Variants in RCBTB1 observed in about 807,000 individuals in gnomAD.
RCBTB1 encodes RCC1 and BTB domain containing protein 1, also known as RCC1 and BTB domain-containing protein 1.
In RCBTB1, 46 loss-of-function variants were observed where a neutral mutation model predicts 62.4. That is an observed-to-expected ratio of 0.74 (90% CI 0.58 to 0.94). RCBTB1 has a LOEUF of 0.94. RCBTB1 is among the 40% of genes least tolerant of loss of function. RCBTB1 has a pLI of 0.00. For synonymous variants in RCBTB1, 222 were observed against 245.8 expected (o/e 0.90, Z 0.91); for missense variants, 565 against 654.9 (o/e 0.86, Z 1.50).
chr13:49,565,749 C>T (rs572485925), intron 4 of RCBTB1, among the ~76,000 whole-genome samples: 1 of 152,308 alleles, frequency 6.6e-6, no homozygotes, highest in East Asian at 1.9e-4. Context: ...CGGCCGCCAC[C>T]CCGTCTGGGA....
chr13:49,555,588 C>CAAA lies in RCBTB1; in HGVS notation c.529_530insTTT (p.Asn176_Cys177insPhe), dbSNP rs1465461982. On this transcript the variant is annotated inframe_insertion, in exon 6 of 13. Coordinates refer to ENST00000378302, the MANE Select transcript of RCBTB1 (RefSeq NM_018191.4). ...GCCAACTACCCTCTTAATATGTAAA[C>CAAA]AGTTTGTAACTTTTCGAGGAGTTGG... The CAAA allele has an allele frequency of 6.2e-7, 1 of 1,613,586 alleles. No individual in the cohort carries two copies. Among genetic ancestry groups the CAAA allele is most frequent in the South Asian group, 1.1e-5 (1 of 91,034 alleles).
intron 4 of RCBTB1, among the ~76,000 whole-genome samples, chr13:49,565,240 C>A (rs561330177): frequency 6.6e-6 from 1 of 152,212 alleles, no homozygotes; most frequent in Non-Finnish European, 1.5e-5. Flanking sequence ...TGGTCTCCAG[C>A]TCCTAACCGC....
intron 1 of RCBTB1, among the ~76,000 whole-genome samples, chr13:49,584,132 G>C (rs942666264): frequency 1.3e-5 from 2 of 152,158 alleles, no homozygotes; most frequent in South Asian, 2.1e-4. Context: ...GCAGCATACG[G>C]GCACGCTTTA....
Position 49,555,576 on chromosome 13 carries a change from T to C in RCBTB1, c.542A>G (p.Lys181Arg). The C allele has an allele frequency of 6.2e-7, 1 of 1,613,876 alleles. No individual in the cohort carries two copies. The change falls in exon 6 of 13, where the codon AAG becomes AGG. Residue 181 changes from lysine to arginine, a missense_variant. By Grantham distance (26) the Lys-to-Arg change is conservative. Transcript: ENST00000378302. ...PRKVTNCLHI[K>R]RVVGIACGQT... Reference sequence around the variant, plus strand: ...ACCACAGGCAATGCCAACTACCCTCTTAATATGTAAACAGTTTGTAACTTT... The same window carrying C: ...ACCACAGGCAATGCCAACTACCCTCCTAATATGTAAACAGTTTGTAACTTT...
intron 9 of RCBTB1, 61 bp from the exon 10 acceptor site, chr13:49,544,924 G>T: frequency 1.5e-6 from 2 of 1,378,962 alleles, no homozygotes; most frequent in Non-Finnish European, 9.9e-7. Flanking sequence ...AGATTCAAAA[G>T]ACTTCAAAAA....
intron 6 of RCBTB1, among the ~76,000 whole-genome samples, chr13:49,553,614 G>C (rs939414465): frequency 6.6e-6 from 1 of 152,160 alleles, no homozygotes; most frequent in South Asian, 2.1e-4. Context: ...AACAAATAAA[G>C]GCCTTGCTCA....
At chr13:49,563,187 C>T (rs1273707740) in intron 4 of RCBTB1, among the ~76,000 whole-genome samples, 5 of 150,008 alleles carry the variant, frequency 3.3e-5, no homozygotes, top group Non-Finnish European at 7.4e-5. Flanking sequence ...ATCACTTGAG[C>T]CCAGGAGTTT....
chr13:49,555,101 C>A (rs1417030963), intron 6 of RCBTB1, among the ~76,000 whole-genome samples: 3 of 152,168 alleles, frequency 2.0e-5, no homozygotes, highest in African/African-American at 7.2e-5. Context: ...CAAGTTGCTT[C>A]CTCCTGTGAA....
intron 6 of RCBTB1, 64 bp from the exon 7 acceptor site, chr13:49,552,349 A>G (rs1217557799): frequency 2.0e-6 from 2 of 1,014,544 alleles, no homozygotes; most frequent in Non-Finnish European, 3.0e-6. Flanking sequence ...AAGAGACAAA[A>G]AAACCAGCCC....
intron 4 of RCBTB1, among the ~76,000 whole-genome samples, chr13:49,564,576 T>C (rs1594317153): frequency 3.4e-5 from 2 of 59,606 alleles, no homozygotes; most frequent in African/African-American, 9.5e-5. Context: ...AGAGCGAGAC[T>C]CCTTCTCAAA....
At chr13:49,577,103 T>G (rs1272338638) in intron 2 of RCBTB1, among the ~76,000 whole-genome samples, 3 of 152,230 alleles carry the variant, frequency 2.0e-5, no homozygotes, top group African/African-American at 7.2e-5. Flanking sequence ...TCAGAGAACT[T>G]GTGGCATGAG....
At chr13:49,549,340 T>G (rs548443975) in intron 9 of RCBTB1, 118 bp downstream of exon 9, 24 of 902,602 alleles carry the variant, frequency 2.7e-5, no homozygotes, top group Non-Finnish European at 3.8e-5. Context: ...ACGGAACGTA[T>G]GAAAGCTAAT....
rs200243704 is a variant in RCBTB1, at chr13:49,544,892, G to A, written c.1046-29C>T. On this transcript the variant is annotated intron_variant, in intron 9 of 12. Coordinates refer to ENST00000378302, the MANE Select transcript of RCBTB1 (RefSeq NM_018191.4). ...AAGGCAACAAACATATATTAATATG[G>A]CAAGTTCAAGGAACAGATTGAAGAT... is the stretch of plus-strand genomic sequence containing the variant. 8 of 1,582,550 alleles carry A rather than the reference G, an allele frequency of 5.1e-6. No homozygotes were observed. In the East Asian group the frequency reaches 1.1e-4, roughly 22 times the overall value.
rs66529613 is a variant in RCBTB1 at position 49,573,448 on chromosome 13, C to CTT, written c.-41-6130_-41-6129dup. Among the ~76,000 whole-genome samples, 271 of 130,070 alleles carry CTT rather than the reference C, an allele frequency of 2.1e-3. 4 individuals carry two copies. The highest frequency in any genetic ancestry group is 4.0e-3 in the Middle Eastern group (1 of 252). 85.3% of individuals were successfully genotyped at this position (130,070 alleles called of 152,430 possible). On this transcript the variant is annotated intron_variant, in intron 2 of 12. Transcript: ENST00000378302. ...TTAGAAATTAGATACAATTCCTCATCTTTTTTTTTTTTTTTTTGAGATGGA... is the reference window on the plus strand; with the variant it reads ...TTAGAAATTAGATACAATTCCTCATCTTTTTTTTTTTTTTTTTTTGAGATGGA...
chr13:49,566,983 G>A (rs1163713778), intron 3 of RCBTB1, among the ~76,000 whole-genome samples, 171 bp downstream of exon 3: 3 of 152,070 alleles, frequency 2.0e-5, no homozygotes, highest in Admixed American at 6.6e-5. Context: ...TGGAGTAGAC[G>A]GGTATTAAAT....
chr13:49,548,418 C>A (rs1482783166), intron 9 of RCBTB1, among the ~76,000 whole-genome samples: 2 of 149,922 alleles, frequency 1.3e-5, no homozygotes, highest in Non-Finnish European at 3.0e-5. Context: ...AAAGAAAGTT[C>A]ATCTTTGATT....
rs4942847 is a variant in RCBTB1 at position 49,559,415 on chromosome 13, T to G, written c.444+503A>C. Reference sequence around the variant, plus strand: ...CTCACGCCTGTAATCCCAGCACTTTTGGAGGCCAAGGCGGGCAGATCACGA... The same window carrying G: ...CTCACGCCTGTAATCCCAGCACTTTGGGAGGCCAAGGCGGGCAGATCACGA... On this transcript the variant is annotated intron_variant, in intron 5 of 12. Transcript: ENST00000378302. Among the ~76,000 whole-genome samples the G allele has an allele frequency of 8.5e-3, 1,296 of 152,192 alleles. 49 individuals carry two copies. The highest frequency in any genetic ancestry group is 0.068 in the Admixed American group (1,035 of 15,290).
chr13:49,554,261 G>C (rs1213181308), intron 6 of RCBTB1, among the ~76,000 whole-genome samples: 4 of 152,130 alleles, frequency 2.6e-5, no homozygotes, highest in African/African-American at 9.7e-5. Flanking sequence ...ACAAGATTGG[G>C]AAAAGGTATT....
Position 49,549,446 on chromosome 13 carries a change from G to A in RCBTB1, c.1045+12C>T. 6.3e-7 allele frequency: 1 copy of A among 1,599,100 alleles called. No homozygotes were observed. The highest frequency in any genetic ancestry group is 8.5e-7 in the Non-Finnish European group (1 of 1,169,870). ...ATTCTTCCTGGGTGGAGGTGGCCCT[G>A]CACTTTCTTACCCACAGACAGGAGG... On this transcript the variant is annotated intron_variant, in intron 9 of 12. Transcript: ENST00000378302.
Sources: allele counts gnomAD v4.1 joint callset (sites outside exome capture counted in the v4.1 genomes callset), GRCh38; gene constraint gnomAD v4.1.1; transcripts MANE v1.5; gene names NCBI Gene and HGNC (gene_info 2026-07-23, HGNC 2026-07-21).